LRFN5: variants seen among roughly 807,000 people sequenced by gnomAD.
LRFN5 encodes leucine rich repeat and fibronectin type III domain containing 5, also known as leucine-rich repeat and fibronectin type-III domain-containing protein 5.
A neutral mutation model predicts 45.6 loss-of-function variants in LRFN5; 24 were observed. The observed-to-expected ratio is 0.53, with a 90% CI of 0.38 to 0.74. The LOEUF (loss-of-function observed/expected upper bound fraction) is 0.74, where lower values mean the gene tolerates loss of function less well. LRFN5 is among the 30% of genes least tolerant of loss of function. The pLI is 0.00. For synonymous variants in LRFN5, 340 were observed against 313.8 expected, an observed-to-expected ratio of 1.08 and a Z score of -0.88; for missense variants, 776 against 861.5, an observed-to-expected ratio of 0.90 and a Z score of 1.24.
chr14:41,688,907 T>C (rs886467335), intron 1 of LRFN5, among the ~76,000 whole-genome samples: 3 of 88,120 alleles, frequency 3.4e-5, no homozygotes, highest in Middle Eastern at 5.3e-3. Context: ...ACCCTATTTC[T>C]ACCAAAAAAA....
intron 4 of LRFN5, among the ~76,000 whole-genome samples, chr14:41,897,621 C>CA (rs1017230744): frequency 3.3e-5 from 5 of 151,960 alleles, no homozygotes; most frequent in Non-Finnish European, 7.4e-5. Context: ...GACTGGCTGT[C>CA]AGAGAACTCC....
intron 2 of LRFN5, among the ~76,000 whole-genome samples, chr14:41,790,357 A>G (rs896771553): frequency 6.6e-6 from 1 of 151,604 alleles, no homozygotes; most frequent in Non-Finnish European, 1.5e-5. Flanking sequence ...CGTATAAACT[A>G]TTTGTTCATT....
At chr14:41,644,324 A>C (rs1879713929) in intron 1 of LRFN5, among the ~76,000 whole-genome samples, 1 of 152,196 alleles carries the variant, frequency 6.6e-6, no homozygotes, top group Non-Finnish European at 1.5e-5. Flanking sequence ...TTGGTCGTTG[A>C]ATTTATTAGA....
chr14:41,757,350 C>T (rs937711167), intron 1 of LRFN5, among the ~76,000 whole-genome samples: 1 of 152,218 alleles, frequency 6.6e-6, no homozygotes, highest in Non-Finnish European at 1.5e-5. Context: ...GCCCTGCCCC[C>T]AGAGGTGAAG....
intron 2 of LRFN5, among the ~76,000 whole-genome samples, chr14:41,768,107 A>ATCTT (rs1885953070): frequency 6.6e-6 from 1 of 152,166 alleles, no homozygotes; most frequent in African/African-American, 2.4e-5. Flanking sequence ...AACAGGTAAG[A>ATCTT]GATACTTAAT....
chr14:41,836,932 A>G (rs1252076911), intron 2 of LRFN5, among the ~76,000 whole-genome samples: 3 of 152,092 alleles, frequency 2.0e-5, no homozygotes, highest in African/African-American at 7.2e-5. Context: ...AGCAGTGTGT[A>G]GTCCCCTGTT....
intron 2 of LRFN5, among the ~76,000 whole-genome samples, chr14:41,773,855 C>G (rs561984980): frequency 6.6e-6 from 1 of 152,286 alleles, no homozygotes; most frequent in East Asian, 1.9e-4. Context: ...TATATTGTCT[C>G]TTTTAAATAA....
chr14:41,682,027 G>T lies in LRFN5; in HGVS notation c.-197+73465G>T, dbSNP rs143264517. On this transcript the variant is annotated intron_variant, in intron 1 of 5. Transcript: ENST00000298119. ...GAGACAGGGTTTCACCATATTGTCCGGGCTGGTCTAGAACTCCTGACCTCA... is the reference window on the plus strand; with the variant it reads ...GAGACAGGGTTTCACCATATTGTCCTGGCTGGTCTAGAACTCCTGACCTCA... 5.0e-3 allele frequency among the ~76,000 whole-genome samples: 753 copies of T among 151,318 alleles called. 2 individuals carry two copies. Among genetic ancestry groups the T allele is most frequent in the Non-Finnish European group, 8.2e-3 (554 of 67,760 alleles).
intron 1 of LRFN5, among the ~76,000 whole-genome samples, chr14:41,707,463 G>A (rs947849076): frequency 6.6e-6 from 1 of 152,030 alleles, no homozygotes; most frequent in Non-Finnish European, 1.5e-5. Flanking sequence ...TACAAATAAT[G>A]TGATGAAAGG....
chr14:41,886,851 A>T lies in LRFN5; in HGVS notation c.226A>T (p.Ser76Cys). The change falls in exon 3 of 6, where the codon AGC becomes TGC. Residue 76 changes from serine to cysteine, a missense_variant. By Grantham distance (112) the Ser-to-Cys change is moderately radical. Transcript: ENST00000298119. ...IKRKDFANMT[S>C]LVDLTLSRNT... ...AAGGAAAGATTTTGCCAATATGACC[A>T]GCTTGGTGGACCTGACTCTATCCAG... 6.2e-7 allele frequency: 1 copy of T among 1,614,110 alleles called. No individual in the cohort carries two copies. The highest frequency in any genetic ancestry group is 8.5e-7 in the Non-Finnish European group (1 of 1,179,992).
At position 41,843,869 on chromosome 14, in the gene LRFN5, A is replaced by G. The variant is rs552757809; in HGVS notation, c.-20-42737A>G. On this transcript the variant is annotated intron_variant, in intron 2 of 5. Coordinates refer to ENST00000298119, the MANE Select transcript of LRFN5 (RefSeq NM_152447.5). ...TAAACACACATGTTCATAAACAAGT[A>G]ACAATATAGAAAATAAGATATGGAA... Among the ~76,000 whole-genome samples the G allele has an allele frequency of 3.8e-4, 58 of 152,348 alleles. 1 individual carries two copies. The South Asian group carries it at 0.011, about 28-fold the overall frequency.
chr14:41,838,093 C>T (rs1358388435), intron 2 of LRFN5, among the ~76,000 whole-genome samples: 2 of 151,950 alleles, frequency 1.3e-5, no homozygotes, highest in Non-Finnish European at 2.9e-5. Context: ...GTGTGCTTAT[C>T]GTTAGTGTAA....
chr14:41,890,706 C>CA (rs541053292), intron 3 of LRFN5, among the ~76,000 whole-genome samples: 805 of 60,276 alleles, frequency 0.013, 4 homozygotes, highest in South Asian at 0.062. Context: ...GACTCCGTCT[C>CA]AAAAAAAAAA....
At chr14:41,877,203 A>T (rs989016892) in intron 2 of LRFN5, among the ~76,000 whole-genome samples, 1 of 152,176 alleles carries the variant, frequency 6.6e-6, no homozygotes, top group African/African-American at 2.4e-5. Context: ...ATCATATACA[A>T]TGAGAATAAA....
intron 1 of LRFN5, among the ~76,000 whole-genome samples, chr14:41,676,408 T>C (rs1247934413): frequency 6.6e-6 from 1 of 152,176 alleles, no homozygotes; most frequent in Non-Finnish European, 1.5e-5. Context: ...GGATTTGACT[T>C]TGCAAAAGAG....
chr14:41,890,357 A>G (rs1053835946), intron 3 of LRFN5, among the ~76,000 whole-genome samples: 1 of 152,202 alleles, frequency 6.6e-6, no homozygotes, highest in Non-Finnish European at 1.5e-5. Flanking sequence ...TATAGATAAA[A>G]ACATAACGCA....
At chr14:41,629,913 A>G (rs2138576513) in intron 1 of LRFN5, among the ~76,000 whole-genome samples, 1 of 152,256 alleles carries the variant, frequency 6.6e-6, no homozygotes, top group African/African-American at 2.4e-5. Context: ...GTTTTGTATC[A>G]GAGCTTTATT....
intron 2 of LRFN5, among the ~76,000 whole-genome samples, chr14:41,882,412 A>G (rs1444809965): frequency 6.6e-6 from 1 of 152,130 alleles, no homozygotes; most frequent in Non-Finnish European, 1.5e-5. Flanking sequence ...GTCAGTCCTG[A>G]TAACTGAAAT....
intron 2 of LRFN5, among the ~76,000 whole-genome samples, chr14:41,800,522 A>G (rs1887289399): frequency 6.6e-6 from 1 of 151,716 alleles, no homozygotes; most frequent in African/African-American, 2.4e-5. Flanking sequence ...AATATATAAC[A>G]AATTTTATGT....
Sources: allele counts gnomAD v4.1 joint callset (sites outside exome capture counted in the v4.1 genomes callset), GRCh38; gene constraint gnomAD v4.1.1; transcripts MANE v1.5; gene names NCBI Gene and HGNC (gene_info 2026-07-23, HGNC 2026-07-21).